SPRED2: variants seen among roughly 807,000 people sequenced by gnomAD.
The protein encoded by SPRED2 is sprouty related EVH1 domain containing 2.
Under a neutral mutation model 43.0 loss-of-function variants are expected in SPRED2, and 47 were observed. The observed-to-expected ratio is 1.09, with a 90% CI of 0.87 to 1.40. The LOEUF (loss-of-function observed/expected upper bound fraction) is 1.40, where lower values mean the gene tolerates loss of function less well. Among genes scored for constraint, SPRED2 ranks in the 40% most tolerant of loss-of-function variants. The pLI is 0.00. For missense variants in SPRED2, 561 were observed against 586.4 expected (o/e 0.96, Z 0.45); for synonymous variants, 225 against 225.7 (o/e 1.00, Z 0.03).
downstream of SPRED2, among the ~76,000 whole-genome samples, chr2:65,310,638 C>T (rs942178712): frequency 6.6e-6 from 1 of 152,130 alleles, no homozygotes; most frequent in African/African-American, 2.4e-5. Flanking sequence ...TGCAGCCTTC[C>T]TTTCACTGAG....
At chr2:65,308,218 G>A, downstream of SPRED2, 1 of 820,342 alleles carries the variant, frequency 1.2e-6, no homozygotes, top group Non-Finnish European at 1.5e-6. Flanking sequence ...GGAGGTTCAG[G>A]CAGGCAGTAC....
intron 1 of SPRED2, among the ~76,000 whole-genome samples, chr2:65,372,318 T>A (rs1176468142): frequency 6.6e-6 from 1 of 152,162 alleles, no homozygotes; most frequent in East Asian, 1.9e-4. Context: ...GAGTTTCTCC[T>A]GCACAGTATG....
intron 4 of SPRED2, among the ~76,000 whole-genome samples, chr2:65,326,894 A>T (rs961516746): frequency 3.3e-5 from 5 of 152,056 alleles, no homozygotes; most frequent in African/African-American, 2.4e-5. Flanking sequence ...AGGCTGGAGT[A>T]CAGTGGTACA....
intron 4 of SPRED2, among the ~76,000 whole-genome samples, chr2:65,327,151 C>T (rs147553484): frequency 3.2e-4 from 48 of 152,226 alleles, no homozygotes; most frequent in East Asian, 2.3e-3. Flanking sequence ...CCACCATGCA[C>T]GGCCTCTAAA....
chr2:65,386,945 A>G (rs1465400102), intron 1 of SPRED2, among the ~76,000 whole-genome samples: 1 of 151,840 alleles, frequency 6.6e-6, no homozygotes, highest in African/African-American at 2.4e-5. Flanking sequence ...CCTAGAACTC[A>G]CACGGATGAA....
chr2:65,393,999 A>G (rs573901089), intron 1 of SPRED2, among the ~76,000 whole-genome samples: 4 of 152,326 alleles, frequency 2.6e-5, no homozygotes, highest in South Asian at 4.1e-4. Context: ...AAACTACACA[A>G]GCAAAAAATG....
downstream of SPRED2, among the ~76,000 whole-genome samples, chr2:65,308,948 T>C (rs6546143): frequency 2.7e-5 from 4 of 148,776 alleles, no homozygotes; most frequent in Non-Finnish European, 6.0e-5. Flanking sequence ...AGGTCAGGAG[T>C]TTGAGACCAG....
In SPRED2 at chr2:65,313,809, T is replaced by C; in HGVS notation, c.949A>G (p.Asn317Asp). 6.2e-7 allele frequency: 1 copy of C among 1,613,914 alleles called. No individual in the cohort carries two copies. The highest frequency in any genetic ancestry group is 1.1e-5 in the South Asian group (1 of 91,084). ...SRCVYCRDMF[N>D]HEENRRGHCQ... ...TGGCCCCGGCGGTTCTCCTCGTGGT[T>C]GAACATGTCCCTGCAGTACACGCAC... is the stretch of plus-strand genomic sequence containing the variant. The change falls in exon 6 of 6, where the codon AAC becomes GAC. Residue 317 changes from asparagine (N) to aspartate (D), a missense_variant. Physicochemically the swap from Asn to Asp is conservative, Grantham distance 23. Around this residue, in one of 6 missense-constraint regions of SPRED2, gnomAD observed 164 missense variants for 164.1 expected, o/e 1.00. Transcript: ENST00000356388.
At position 65,311,993 on chromosome 2, in the gene SPRED2, G is replaced by C. The variant is rs1673082521; in HGVS notation, c.*1508C>G. 1.3e-5 allele frequency: 13 copies of C among 985,220 alleles called. No individual in the cohort carries two copies. In the South Asian group the frequency reaches 5.2e-4, roughly 39 times the overall value. 61.0% of individuals were successfully genotyped at this position (985,220 alleles called of 1,614,324 possible). The stretch of plus-strand genomic sequence containing the variant: ...CGCTACCACAGAAAGATCGTGGCGG[G>C]AAGAACAGCCGGCGTCCGCAAGCCT... On this transcript the variant is annotated 3_prime_UTR_variant, in exon 6 of 6. Coordinates refer to ENST00000356388, the MANE Select transcript of SPRED2 (RefSeq NM_181784.3).
chr2:65,352,408 A>G (rs1220192819), intron 1 of SPRED2, among the ~76,000 whole-genome samples: 3 of 152,232 alleles, frequency 2.0e-5, no homozygotes, highest in Non-Finnish European at 2.9e-5. Context: ...CACTCAATGG[A>G]GAGTACTAGT....
At chr2:65,396,934 C>T (rs1410403608) in intron 1 of SPRED2, among the ~76,000 whole-genome samples, 1 of 152,160 alleles carries the variant, frequency 6.6e-6, no homozygotes, top group East Asian at 1.9e-4. Context: ...GCTTAGCAAT[C>T]TCCTTAAAAG....
At chr2:65,321,452 G>A (rs1184386370) in intron 4 of SPRED2, among the ~76,000 whole-genome samples, 4 of 144,224 alleles carry the variant, frequency 2.8e-5, no homozygotes, top group East Asian at 2.1e-4. Context: ...TAGGAGGATC[G>A]CTTGAAGTCA....
At position 65,424,826 on chromosome 2, in the gene SPRED2, C is replaced by G. The variant is rs150435945; in HGVS notation, c.26+7136G>C. Among the ~76,000 whole-genome samples the G allele has an allele frequency of 9.2e-3, 1,406 of 152,106 alleles. 9 individuals carry two copies. Among genetic ancestry groups the G allele is most frequent in the Non-Finnish European group, 0.016 (1,068 of 67,990 alleles). On this transcript the variant is annotated intron_variant, in intron 1 of 5. Coordinates refer to ENST00000356388, the MANE Select transcript of SPRED2 (RefSeq NM_181784.3). ...AATTAGCCAGGTGTGGTGGCGCACACCTACAATCCCAGCTACTCAGGAGGC... is the reference window on the plus strand; with the variant it reads ...AATTAGCCAGGTGTGGTGGCGCACAGCTACAATCCCAGCTACTCAGGAGGC...
intron 4 of SPRED2, among the ~76,000 whole-genome samples, chr2:65,329,876 G>A (rs1372737828): frequency 6.6e-6 from 1 of 152,122 alleles, no homozygotes; most frequent in African/African-American, 2.4e-5. Flanking sequence ...GCCAATCCAA[G>A]GAAGGACAAC....
intron 1 of SPRED2, among the ~76,000 whole-genome samples, chr2:65,361,299 G>A (rs917020242): frequency 2.0e-4 from 31 of 152,250 alleles, no homozygotes; most frequent in Non-Finnish European, 1.5e-5. Flanking sequence ...TGTTCCTTGG[G>A]GTACCAGGTG....
rs74709937 is a variant in SPRED2 at position 65,336,563 on chromosome 2, C to G, written c.205-1790G>C. On this transcript the variant is annotated intron_variant, in intron 2 of 5. Transcript: ENST00000356388. ...AAATTGCTTATTATAGCCATTTCCCCCTAAGAATAGCACAATGATTAAATG... is the reference window on the plus strand; with the variant it reads ...AAATTGCTTATTATAGCCATTTCCCGCTAAGAATAGCACAATGATTAAATG... 5.3e-4 allele frequency among the ~76,000 whole-genome samples: 80 copies of G among 152,214 alleles called. No individual in the cohort carries two copies. The East Asian group carries it at 0.014, about 27-fold the overall frequency.
intron 1 of SPRED2, among the ~76,000 whole-genome samples, chr2:65,404,417 A>G (rs756883585): frequency 6.6e-6 from 1 of 152,230 alleles, no homozygotes; most frequent in Non-Finnish European, 1.5e-5. Context: ...CTACTTGTCT[A>G]TGCCAAACCA....
chr2:65,362,470 C>T lies in SPRED2; in HGVS notation c.27-17574G>A, dbSNP rs371731732. Among the ~76,000 whole-genome samples, 146 of 152,168 alleles carry T rather than the reference C, an allele frequency of 9.6e-4. 1 individual carries two copies. The highest frequency in any genetic ancestry group is 1.1e-3 in the Non-Finnish European group (78 of 67,996). The stretch of plus-strand genomic sequence containing the variant: ...TATTTTTAGTAGAGATGGGATTTCA[C>T]TGTGTTAGCCAGGATGGTCTCGATC... On this transcript the variant is annotated intron_variant, in intron 1 of 5. Transcript: ENST00000356388.
intron 3 of SPRED2, among the ~76,000 whole-genome samples, chr2:65,332,479 A>G (rs1451182800): frequency 6.6e-6 from 1 of 152,214 alleles, no homozygotes; most frequent in African/African-American, 2.4e-5. Flanking sequence ...TACTGTGTAA[A>G]CTGGATTTAG....
Sources: allele counts gnomAD v4.1 joint callset (sites outside exome capture counted in the v4.1 genomes callset), GRCh38; gene constraint gnomAD v4.1.1; regional missense constraint gnomAD v4.1.1; transcripts MANE v1.5; gene names NCBI Gene and HGNC (gene_info 2026-07-23, HGNC 2026-07-21).